The following OR10D3 variants were observed in gnomAD, a reference collection of about 807,000 sequenced individuals.
OR10D3 encodes the protein olfactory receptor family 10 subfamily D member 3, also known as olfactory receptor 10D3.
For missense variants in OR10D3, 286 were observed against 153.7 expected (o/e 1.86, Z -4.55); for synonymous variants, 100 against 57.6 (o/e 1.74, Z -3.33).
At chr11:124,185,527 G>C (rs1319989695) in exon 2 of OR10D3, 1 of 703,356 alleles carries the variant, frequency 1.4e-6, no homozygotes, top group Admixed American at 2.0e-5. Flanking sequence ...TCTACCTTAT[G>C]GGGCTGAGCC....
chr11:124,185,824 G>A, exon 2 of OR10D3: 1 of 703,640 alleles, frequency 1.4e-6, no homozygotes, highest in Non-Finnish European at 2.6e-6. Flanking sequence ...CAGCACTGTT[G>A]CCCTTGGCCT....
exon 2 of OR10D3, chr11:124,188,058 A>AAGG (rs1861245336): frequency 6.6e-6 from 1 of 152,238 alleles, no homozygotes; most frequent in Admixed American, 6.5e-5. Flanking sequence ...TCTTACATCC[A>AAGG]AGATAAAGAT....
chr11:124,184,462 G>GAAC lies in OR10D3; in HGVS notation c.-11-792_-11-790dup, dbSNP rs547617877. Among the ~76,000 whole-genome samples the GAAC allele has an allele frequency of 9.9e-4, 150 of 152,218 alleles. 1 individual carries two copies. The highest frequency in any genetic ancestry group is 3.3e-3 in the African/African-American group (138 of 41,522). ...TCCATTGCTTACTAAGGAGGAGGAG[G>GAAC]AACAACATTTTAAGAGCCTGGTGAT... On this transcript the variant is annotated intron_variant, in intron 1 of 1. Coordinates refer to ENST00000641351, the Ensembl canonical transcript of OR10D3.
intron 1 of OR10D3, among the ~76,000 whole-genome samples, chr11:124,184,565 C>A (rs554415253): frequency 1.7e-4 from 26 of 151,998 alleles, no homozygotes; most frequent in African/African-American, 5.8e-4. Context: ...ACAGATGGAT[C>A]CATCCAGACC....
exon 2 of OR10D3, chr11:124,185,511 T>A (rs1388777549): frequency 1.0e-5 from 7 of 703,258 alleles, no homozygotes; most frequent in African/African-American, 1.7e-5. Flanking sequence ...TGTCCCAAAA[T>A]GCTGCTCTAC....
chr11:124,185,853 C>G (rs546179755), exon 2 of OR10D3: 1 of 703,512 alleles, frequency 1.4e-6, no homozygotes, highest in South Asian at 1.5e-5. Flanking sequence ...ACATCCTTAG[C>G]CCAGAGGGTG....
chr11:124,188,086 T>G (rs988410992), exon 2 of OR10D3: 5 of 152,158 alleles, frequency 3.3e-5, no homozygotes, highest in African/African-American at 1.2e-4. Context: ...CCCACTCTTA[T>G]GAAGGAAATG....
exon 2 of OR10D3, chr11:124,188,601 C>T (rs1861250194): frequency 6.6e-6 from 1 of 152,168 alleles, no homozygotes; most frequent in South Asian, 2.1e-4. Context: ...TTTCATTTAG[C>T]TTGTTGAATT....
At chr11:124,187,171 T>C (rs1267237298) in exon 2 of OR10D3, 1 of 152,238 alleles carries the variant, frequency 6.6e-6, no homozygotes, top group East Asian at 1.9e-4. Flanking sequence ...CCCATAACTT[T>C]AAAGGTGTTT....
At chr11:124,185,336 C>T in exon 2 of OR10D3, 1 of 703,360 alleles carries the variant, frequency 1.4e-6, no homozygotes, top group South Asian at 1.5e-5. Context: ...CACAGAGGGG[C>T]TGGAGATGAC....
At chr11:124,188,303 CAA>C (rs1244677575) in exon 2 of OR10D3, 1 of 152,228 alleles carries the variant, frequency 6.6e-6, no homozygotes, top group Non-Finnish European at 1.5e-5. Flanking sequence ...AAAAAACAGA[CAA>C]GAGCCATAGA....
rs7937603 is a variant in OR10D3, at chr11:124,185,875, C to T, written c.606C>T (p.Asn202=). 5.5e-3 allele frequency: 3,898 copies of T among 703,370 alleles called. 120 individuals carry two copies. In the African/African-American group the frequency reaches 0.059, roughly 11 times the overall value. 43.6% of individuals were successfully genotyped at this position (703,370 alleles called of 1,614,324 possible). A position where few individuals can be genotyped will look rare whatever the true frequency, so the allele number is the denominator to read the frequency against. Residue 202 remains asparagine, a synonymous_variant, in exon 2 of 2, where the codon AAC becomes AAT. Transcript: ENST00000641351. Reference sequence around the variant, plus strand: ...TAGCCCAGAGGGTGAGCTTCACCAACGTTGGCCTCATATCTCTTGTCTGCT... The same window carrying T: ...TAGCCCAGAGGGTGAGCTTCACCAATGTTGGCCTCATATCTCTTGTCTGCT...
At chr11:124,187,594 G>A (rs1464809764) in exon 2 of OR10D3, 1 of 152,176 alleles carries the variant, frequency 6.6e-6, no homozygotes, top group East Asian at 1.9e-4. Flanking sequence ...CCACTGTGAT[G>A]TAACAAAAAT....
chr11:124,184,268 C>T (rs1861194702), intron 1 of OR10D3: 2 of 152,160 alleles, frequency 1.3e-5, no homozygotes, highest in Non-Finnish European at 2.9e-5. Context: ...GAATGATATC[C>T]AATTCTTGCC....
exon 2 of OR10D3, chr11:124,186,053 C>A: frequency 1.4e-6 from 1 of 703,452 alleles, no homozygotes; most frequent in Non-Finnish European, 2.6e-6. Context: ...CTACCTGCAG[C>A]CCACACCCAA....
At chr11:124,184,589 G>A (rs1406052219) in intron 1 of OR10D3, among the ~76,000 whole-genome samples, 1 of 151,944 alleles carries the variant, frequency 6.6e-6, no homozygotes, top group Non-Finnish European at 1.5e-5. Context: ...GGGAAAGACT[G>A]ATGTTTAAAA....
At chr11:124,186,080 G>A (rs2512226) in exon 2 of OR10D3, 369,455 of 703,020 alleles carry the variant, frequency 0.53, 97,916 homozygotes, top group East Asian at 0.64. Context: ...GCTGGGAACC[G>A]TGGTACAAAT....
In OR10D3 at chr11:124,186,011, ATCCTC is replaced by A; in HGVS notation, c.744_748del (p.Ile248MetfsTer44). On this transcript the variant is annotated frameshift_variant, in exon 2 of 2. Coordinates refer to ENST00000641351, the Ensembl canonical transcript of OR10D3. LOFTEE classifies it low-confidence loss of function (END_TRUNC). ...CACCTGCAGTGCTCACCTCATTGCC[ATCCTC>A]TGTGCCTATGGGCCCATCATCACTG... The A allele has an allele frequency of 1.4e-6, 1 of 703,404 alleles. No individual in the cohort carries two copies. The highest frequency in any genetic ancestry group is 2.6e-6 in the Non-Finnish European group (1 of 385,052). The allele number at this position is 703,404 out of a possible 1,614,324, so 43.6% of individuals were successfully genotyped here. A position where few individuals can be genotyped will look rare whatever the true frequency, so the allele number is the denominator to read the frequency against.
intron 1 of OR10D3, chr11:124,184,379 C>T (rs1861195882): frequency 6.6e-6 from 1 of 152,158 alleles, no homozygotes; most frequent in African/African-American, 2.4e-5. Flanking sequence ...AAAATATTTA[C>T]TCTCCTAGAT....
Sources: allele counts gnomAD v4.1 joint callset (sites outside exome capture counted in the v4.1 genomes callset), GRCh38; gene constraint gnomAD v4.1.1; transcripts MANE v1.5; gene names NCBI Gene and HGNC (gene_info 2026-07-23, HGNC 2026-07-21).